The following RYR2 variants were observed in gnomAD, a reference collection of about 807,000 sequenced individuals.
The protein encoded by RYR2 is cardiac muscle ryanodine receptor-calcium release channel.
RYR2 carries 227 observed loss-of-function variants against 601.1 expected under a neutral mutation model. The ratio of observed to expected loss-of-function variants is 0.38; its 90% CI spans 0.34 to 0.42. The LOEUF (loss-of-function observed/expected upper bound fraction) is 0.42, where lower values mean the gene tolerates loss of function less well. RYR2 is among the 10% of genes least tolerant of loss of function. RYR2 has a pLI of 1.00. For missense variants in RYR2, 4,646 were observed against 6,156.5 expected, an observed-to-expected ratio of 0.75 and a Z score of 8.21; for synonymous variants, 2,223 against 2,175.1, an observed-to-expected ratio of 1.02 and a Z score of -0.61.
chr1:237,344,125 C>G (rs1698082986), intron 3 of RYR2, among the ~76,000 whole-genome samples: 1 of 152,176 alleles, frequency 6.6e-6, no homozygotes, highest in African/African-American at 2.4e-5. Flanking sequence ...GCCTGGCCCC[C>G]ATAAGGGGTT....
Position 237,791,446 on chromosome 1 carries a change from C to A in RYR2, c.13494C>A (p.Asn4498Lys). The change falls in exon 93 of 105, where the codon AAC becomes AAA. Residue 4498 changes from asparagine to lysine, a missense_variant. By Grantham distance (94) the Asn-to-Lys change is moderately conservative (BLOSUM62 0). This residue lies in a region of RYR2 where 364 missense variants were observed against 442.9 expected (regional missense o/e 0.82). Coordinates refer to ENST00000366574, the MANE Select transcript of RYR2 (RefSeq NM_001035.3). ...QQKLLNYFAR[N>K]FYNMRMLALF... The stretch of plus-strand genomic sequence containing the variant: ...ACCCTCAGAACTATTTTGCTCGCAA[C>A]TTTTACAACATGAGAATGTTAGCCT... 6.3e-7 allele frequency: 1 copy of A among 1,575,458 alleles called. No individual in the cohort carries two copies. Among genetic ancestry groups the A allele is most frequent in the Non-Finnish European group, 8.6e-7 (1 of 1,156,266 alleles).
intron 4 of RYR2, among the ~76,000 whole-genome samples, chr1:237,356,376 G>C (rs74419331): frequency 6.7e-6 from 1 of 149,722 alleles, no homozygotes. Flanking sequence ...TTATATTTCT[G>C]CATGTACTGT....
intron 12 of RYR2, among the ~76,000 whole-genome samples, chr1:237,428,660 A>C (rs935564332): frequency 2.6e-5 from 4 of 151,838 alleles, no homozygotes; most frequent in Non-Finnish European, 5.9e-5. Flanking sequence ...GTGGGGCGTA[A>C]AACCTAGATG....
At chr1:237,342,446 A>C (rs1572662652) in intron 3 of RYR2, among the ~76,000 whole-genome samples, 1 of 150,884 alleles carries the variant, frequency 6.6e-6, no homozygotes, top group East Asian at 2.0e-4. Flanking sequence ...GAGCCACCTC[A>C]CCCCACTCAT....
At chr1:237,605,266 A>G (rs112249020) in intron 35 of RYR2, among the ~76,000 whole-genome samples, 34,406 of 152,158 alleles carry the variant, frequency 0.23, 4,175 homozygotes, top group East Asian at 0.47. Flanking sequence ...GGCTGGTTCA[A>G]CATACACAAA....
At chr1:237,637,859 C>G (rs998375039) in intron 44 of RYR2, among the ~76,000 whole-genome samples, 3 of 152,238 alleles carry the variant, frequency 2.0e-5, no homozygotes, top group African/African-American at 7.2e-5. Flanking sequence ...TTGGCCCACC[C>G]AGACAGACTT....
rs145586684 is a variant in RYR2, at chr1:237,154,757, T to C, written c.48+112188T>C. Among the ~76,000 whole-genome samples, 901 of 152,328 alleles carry C rather than the reference T, an allele frequency of 5.9e-3. 10 individuals carry two copies. The highest frequency in any genetic ancestry group is 0.02 in the African/African-American group (822 of 41,564). On this transcript the variant is annotated intron_variant, in intron 1 of 104. Coordinates refer to ENST00000366574, the MANE Select transcript of RYR2 (RefSeq NM_001035.3). ...TATAGACTTCATTATATATAATATA[T>C]GTTGTTTAAAGTGTATTATATGTAT...
At position 237,651,547 on chromosome 1, in the gene RYR2, G is replaced by C. The variant is rs115775463; in HGVS notation, c.7824+46G>C. The stretch of plus-strand genomic sequence containing the variant: ...TAGATATTTGATTACTGGCTTCTCT[G>C]ACTTTATTTTCTATGACAACATATA... On this transcript the variant is annotated intron_variant, in intron 51 of 104. Coordinates refer to ENST00000366574, the MANE Select transcript of RYR2 (RefSeq NM_001035.3). 8.5e-4 allele frequency: 1,014 copies of C among 1,196,754 alleles called. 3 individuals carry two copies. The highest frequency in any genetic ancestry group is 6.2e-3 in the African/African-American group (406 of 65,210). 74.1% of individuals were successfully genotyped at this position (1,196,754 alleles called of 1,614,324 possible). A position where few individuals can be genotyped will look rare whatever the true frequency, so the allele number is the denominator to read the frequency against.
chr1:237,339,490 TC>T (rs1176271162), intron 3 of RYR2, among the ~76,000 whole-genome samples: 6 of 151,994 alleles, frequency 3.9e-5, no homozygotes, highest in Middle Eastern at 3.4e-3. Flanking sequence ...TAGTCCTCAT[TC>T]CCCCCTAAGA....
intron 16 of RYR2, among the ~76,000 whole-genome samples, chr1:237,460,987 T>C (rs1370355388): frequency 6.6e-6 from 1 of 152,238 alleles, no homozygotes; most frequent in Admixed American, 6.5e-5. Flanking sequence ...TTCTTATTAT[T>C]GTTGTTTTGC....
rs575961389 is a variant in RYR2 at position 237,807,436 on chromosome 1, C to T, written c.14298+1153C>T. On this transcript the variant is annotated intron_variant, in intron 99 of 104. Transcript: ENST00000366574. ...CGCGATCTCGGCTCACTGCAACCTC[C>T]GCCTCCCTAGGTTCAAGTGATTCTC... Among the ~76,000 whole-genome samples the T allele has an allele frequency of 6.6e-5, 10 of 152,290 alleles. No individual in the cohort carries two copies. The East Asian group carries it at 1.5e-3, about 24-fold the overall frequency.
intron 53 of RYR2, among the ~76,000 whole-genome samples, chr1:237,657,278 G>C (rs1480015281): frequency 6.6e-6 from 1 of 151,822 alleles, no homozygotes; most frequent in African/African-American, 2.4e-5. Context: ...ATTTTATGTA[G>C]AATTGTATTC....
rs190108513 is a variant in RYR2, at chr1:237,474,055, C to T, written c.1708+4868C>T. Among the ~76,000 whole-genome samples the T allele has an allele frequency of 1.2e-3, 178 of 151,844 alleles. 3 individuals carry two copies. Among genetic ancestry groups the T allele is most frequent in the African/African-American group, 4.0e-3 (164 of 41,448 alleles). On this transcript the variant is annotated intron_variant, in intron 17 of 104. Transcript: ENST00000366574. The stretch of plus-strand genomic sequence containing the variant: ...AAAGACGTGTGAGTAGAAACACAAA[C>T]GGCAAAGCTGGAGTAGAGGCTCCGG...
At chr1:237,485,053 C>T (rs969278595) in intron 17 of RYR2, among the ~76,000 whole-genome samples, 32 of 152,110 alleles carry the variant, frequency 2.1e-4, no homozygotes, top group African/African-American at 6.8e-4. Context: ...CAGAAATTTG[C>T]CGAATTCACC....
intron 2 of RYR2, among the ~76,000 whole-genome samples, chr1:237,271,315 A>G (rs1019448669): frequency 6.6e-6 from 1 of 152,178 alleles, no homozygotes; most frequent in African/African-American, 2.4e-5. Flanking sequence ...CTCCGAGGAT[A>G]TTTATTCTTT....
rs368776712 is a variant in RYR2, at chr1:237,617,190, G to A, written c.5716-96G>A. 3.1e-5 allele frequency: 34 copies of A among 1,111,138 alleles called. No individual in the cohort carries two copies. The East Asian group carries it at 7.8e-4, about 25-fold the overall frequency. 68.8% of individuals were successfully genotyped at this position (1,111,138 alleles called of 1,614,324 possible). On this transcript the variant is annotated intron_variant, in intron 37 of 104. Coordinates refer to ENST00000366574, the MANE Select transcript of RYR2 (RefSeq NM_001035.3). ...AGGATTCTGTTTCTAAGAGAGAAGA[G>A]TAGGCAACTAAGGATGTTTACCACA... is the stretch of plus-strand genomic sequence containing the variant.
chr1:237,384,303 A>G (rs1458463830), intron 8 of RYR2, among the ~76,000 whole-genome samples: 1 of 152,162 alleles, frequency 6.6e-6, no homozygotes, highest in African/African-American at 2.4e-5. Flanking sequence ...CTATTTTATT[A>G]CTGCTGTAAA....
chr1:237,056,836 G>A lies in RYR2; in HGVS notation c.48+14267G>A, dbSNP rs145881199. Among the ~76,000 whole-genome samples, 46 of 152,280 alleles carry A rather than the reference G, an allele frequency of 3.0e-4. No individual in the cohort carries two copies. The East Asian group carries it at 4.2e-3, about 14-fold the overall frequency. On this transcript the variant is annotated intron_variant, in intron 1 of 104. Transcript: ENST00000366574. ...GTGAGGACTGGAGCATTGCATCTGTGAGCCAAGGAGCACTAGGGCTGAGAG... is the reference window on the plus strand; with the variant it reads ...GTGAGGACTGGAGCATTGCATCTGTAAGCCAAGGAGCACTAGGGCTGAGAG...
chr1:237,516,986 A>C (rs1256190695), intron 24 of RYR2, among the ~76,000 whole-genome samples: 1 of 152,070 alleles, frequency 6.6e-6, no homozygotes, highest in Non-Finnish European at 1.5e-5. Context: ...ATTCATTCAT[A>C]TTTTGCTTAA....
Sources: allele counts gnomAD v4.1 joint callset (sites outside exome capture counted in the v4.1 genomes callset), GRCh38; gene constraint gnomAD v4.1.1; regional missense constraint gnomAD v4.1.1; transcripts MANE v1.5; gene names NCBI Gene and HGNC (gene_info 2026-07-23, HGNC 2026-07-21).